Variants in MCC observed in about 807,000 individuals in gnomAD.
MCC encodes the protein colorectal mutant cancer protein.
In MCC, 90 loss-of-function variants were observed where a neutral mutation model predicts 116.2. The observed-to-expected ratio is 0.77, with a 90% CI of 0.65 to 0.92. The LOEUF (loss-of-function observed/expected upper bound fraction) is 0.92, where lower values mean the gene tolerates loss of function less well. Ranked by LOEUF, MCC falls within the 40% of genes least tolerant of loss-of-function variation. MCC has a pLI of 0.00. For synonymous variants in MCC, 578 were observed against 510.5 expected (o/e 1.13, Z -1.78); for missense variants, 1,516 against 1,312.2 (o/e 1.16, Z -2.40).
intron 17 of MCC, among the ~76,000 whole-genome samples, chr5:113,038,849 C>G (rs1317100394): frequency 6.6e-6 from 1 of 152,180 alleles, no homozygotes; most frequent in African/African-American, 2.4e-5. Context: ...CAGGGGCATC[C>G]TGTCCCTGGA....
chr5:113,410,437 A>T (rs10478122), intron 1 of MCC, among the ~76,000 whole-genome samples: 4,800 of 152,248 alleles, frequency 0.032, 269 homozygotes, highest in African/African-American at 0.11. Context: ...CACTTGTCTG[A>T]TCAATTCGGT....
chr5:113,420,202 C>CTTATAATAAGATTAAATA (rs1770289439), intron 1 of MCC, among the ~76,000 whole-genome samples: 1 of 121,208 alleles, frequency 8.3e-6, no homozygotes, highest in African/African-American at 4.3e-5. Flanking sequence ...AAGATTAAAT[C>CTTATAATAAGATTAAATA]TTAAATATAA....
At chr5:113,301,600 T>C (rs1561515593) in intron 3 of MCC, among the ~76,000 whole-genome samples, 1 of 150,866 alleles carries the variant, frequency 6.6e-6, no homozygotes, top group Non-Finnish European at 1.5e-5. Context: ...TAGGGGAGAG[T>C]AGGCCCCTTA....
chr5:113,413,383 TG>T (rs1184200023), intron 1 of MCC, among the ~76,000 whole-genome samples: 5 of 152,220 alleles, frequency 3.3e-5, no homozygotes, highest in African/African-American at 9.6e-5. Flanking sequence ...AGAATTTGGC[TG>T]TGAATCCATC....
At chr5:113,415,630 G>C (rs896369219) in intron 1 of MCC, among the ~76,000 whole-genome samples, 2 of 152,078 alleles carry the variant, frequency 1.3e-5, no homozygotes, top group Admixed American at 6.6e-5. Flanking sequence ...GGTCATTTAA[G>C]GTCTCCTCTA....
chr5:113,135,696 C>G lies in MCC; in HGVS notation c.884+7522G>C, dbSNP rs1357302338. Among the ~76,000 whole-genome samples, 4 of 152,000 alleles carry G rather than the reference C, an allele frequency of 2.6e-5. No homozygotes were observed. The South Asian group carries it at 8.3e-4, about 32-fold the overall frequency. On this transcript the variant is annotated intron_variant, in intron 5 of 18. Coordinates refer to ENST00000408903, the MANE Select transcript of MCC (RefSeq NM_001085377.2). The stretch of plus-strand genomic sequence containing the variant: ...AATGCTATTAAAACCCACCTAGATA[C>G]GTAACCTACCTACTAAATTATGAGT...
intron 3 of MCC, among the ~76,000 whole-genome samples, chr5:113,161,450 T>C (rs567375731): frequency 6.6e-6 from 1 of 152,354 alleles, no homozygotes; most frequent in African/African-American, 2.4e-5. Flanking sequence ...GAATTCCCCA[T>C]TCTAGAGAAA....
chr5:113,263,937 G>GA (rs368786926), intron 3 of MCC, among the ~76,000 whole-genome samples: 1,728 of 141,996 alleles, frequency 0.012, 32 homozygotes, highest in African/African-American at 0.035. Context: ...AAGAAAAAAA[G>GA]AAAAAAAAAA....
intron 3 of MCC, among the ~76,000 whole-genome samples, chr5:113,195,305 A>G (rs1426344513): frequency 6.6e-6 from 1 of 152,244 alleles, no homozygotes; most frequent in African/African-American, 2.4e-5. Flanking sequence ...CTCTACCAGC[A>G]CATACAGGCA....
At chr5:113,311,931 C>T (rs113966229) in intron 3 of MCC, among the ~76,000 whole-genome samples, 5,953 of 152,210 alleles carry the variant, frequency 0.039, 385 homozygotes, top group African/African-American at 0.14. Flanking sequence ...TATGGTGAAA[C>T]GTTGTCTCTA....
At chr5:113,405,503 T>C (rs1769802471) in intron 1 of MCC, among the ~76,000 whole-genome samples, 1 of 152,160 alleles carries the variant, frequency 6.6e-6, no homozygotes, top group South Asian at 2.1e-4. Context: ...TGAAATATGC[T>C]GTGGGCCAGG....
At chr5:113,189,481 C>G (rs560245378) in intron 3 of MCC, among the ~76,000 whole-genome samples, 1 of 152,324 alleles carries the variant, frequency 6.6e-6, no homozygotes, top group East Asian at 1.9e-4. Flanking sequence ...GGTAGCAAAA[C>G]TGAGTCCGAG....
intron 6 of MCC, among the ~76,000 whole-genome samples, chr5:113,119,084 C>T (rs1424080391): frequency 6.6e-6 from 1 of 152,258 alleles, no homozygotes; most frequent in Admixed American, 6.5e-5. Flanking sequence ...CTGCATCCTC[C>T]AAACAACTGT....
chr5:113,248,866 C>T (rs946206788), intron 3 of MCC, among the ~76,000 whole-genome samples: 22 of 137,794 alleles, frequency 1.6e-4, no homozygotes, highest in African/African-American at 6.0e-4. Flanking sequence ...CTCACTGTGT[C>T]ACCCAGGCTA....
chr5:113,329,374 C>CTA (rs535810602), intron 3 of MCC, among the ~76,000 whole-genome samples: 9 of 108,278 alleles, frequency 8.3e-5, no homozygotes, highest in South Asian at 7.2e-4. Flanking sequence ...GGTGAATAAA[C>CTA]TATATATATA....
chr5:113,048,456 C>T (rs796624650), intron 16 of MCC: 3 of 152,436 alleles, frequency 2.0e-5, no homozygotes, highest in African/African-American at 7.2e-5. Context: ...GTAGCTGTCT[C>T]CATTATCAGA....
Position 113,068,095 on chromosome 5 carries a change from C to A in MCC, c.2014G>T (p.Val672Leu), listed in dbSNP as rs757936630. 5.6e-6 allele frequency: 9 copies of A among 1,614,014 alleles called. No individual in the cohort carries two copies. The highest frequency in any genetic ancestry group is 1.6e-4 in the Middle Eastern group (1 of 6,062). ...LILGQFRAAG[V>L]GSSPGDQSGD... ...AGACACTTACCAGGGGAGGACCCCA[C>A]GCCCGCCGCTCGGAACTGCCCCAGG... Residue 672 changes from valine (V) to leucine (L), a missense_variant, in exon 13 of 19, where the codon GTG (valine) becomes TTG (leucine). By Grantham distance (32) the Val-to-Leu change is conservative (BLOSUM62 1). Transcript: ENST00000408903.
At chr5:113,211,079 A>C (rs1408385690) in intron 3 of MCC, among the ~76,000 whole-genome samples, 1 of 152,218 alleles carries the variant, frequency 6.6e-6, no homozygotes, top group Non-Finnish European at 1.5e-5. Flanking sequence ...TTCCAAATTC[A>C]TGTTAAAATC....
Position 113,043,574 on chromosome 5 carries a change from G to A in MCC, c.2712C>T (p.Cys904=), listed in dbSNP as rs1283370589. The A allele has an allele frequency of 1.2e-6, 2 of 1,614,032 alleles. No individual in the cohort carries two copies. The highest frequency in any genetic ancestry group is 1.3e-5 in the African/African-American group (1 of 74,944). ...ALSLAELRTT[C]SENELAAEFT... is the part of the protein sequence containing the mutation. ...ACTCCGCAGCCAGCTCATTCTCGCT[G>A]CACGTTGTCCTGAGTTCGGCTAGGG... The change falls in exon 17 of 19, where the codon TGC becomes TGT. Residue 904 remains cysteine (C), a synonymous_variant. Coordinates refer to ENST00000408903, the MANE Select transcript of MCC (RefSeq NM_001085377.2).
Sources: gnomAD v4.1 joint callset for allele counts (sites outside exome capture counted in the v4.1 genomes callset) on GRCh38, gnomAD v4.1.1 for gene constraint, MANE v1.5 for transcripts, NCBI Gene and HGNC (gene_info 2026-07-23, HGNC 2026-07-21) for gene names.